NIPBL: variants seen among roughly 807,000 people sequenced by gnomAD.
NIPBL encodes NIPBL cohesin loading factor.
In NIPBL, 19 loss-of-function variants were observed where a neutral mutation model predicts 321.8. The observed-to-expected ratio is 0.06, with a 90% CI of 0.04 to 0.09. The LOEUF (loss-of-function observed/expected upper bound fraction) is 0.09, where lower values mean the gene tolerates loss of function less well. Among genes scored for constraint, NIPBL ranks in the 10% least tolerant of loss-of-function variants. The pLI is 1.00. For synonymous variants in NIPBL, 1,106 were observed against 1,114.1 expected (o/e 0.99, Z 0.14); for missense variants, 2,210 against 3,327.0 (o/e 0.66, Z 8.26).
Position 37,036,335 on chromosome 5 carries a change from GTA to G in NIPBL, c.5863-34_5863-33del, listed in dbSNP as rs748641174. 379 of 456,560 alleles carry G rather than the reference GTA, an allele frequency of 8.3e-4. 1 individual carries two copies. The highest frequency in any genetic ancestry group is 3.0e-3 in the Middle Eastern group (4 of 1,326). 28.3% of individuals were successfully genotyped at this position (456,560 alleles called of 1,614,324 possible). A position where few individuals can be genotyped will look rare whatever the true frequency, so the allele number is the denominator to read the frequency against. Reference sequence around the variant, plus strand: ...ATACCGGGATTTTTTTTTCTTTTTTGTATATATATATGTATATATATATATAT... The same window carrying G: ...ATACCGGGATTTTTTTTTCTTTTTTGTATATATATGTATATATATATATAT... On this transcript the variant is annotated intron_variant, in intron 32 of 46. Transcript: ENST00000282516.
intron 1 of NIPBL, chr5:36,885,226 C>T (rs1012260745): frequency 1.3e-4 from 68 of 533,852 alleles, no homozygotes; most frequent in South Asian, 8.3e-4. Context: ...CCACTTGCTC[C>T]ACCTTCTCCA....
intron 46 of NIPBL, 146 bp downstream of exon 46, chr5:37,064,124 A>AC (rs1370575371): frequency 6.9e-7 from 1 of 1,442,254 alleles, no homozygotes; most frequent in African/African-American, 1.4e-5. Context: ...TTCTCTACTT[A>AC]CCCGTTTATA....
intron 33 of NIPBL, among the ~76,000 whole-genome samples, chr5:37,037,850 T>C (rs983056280): frequency 6.6e-6 from 1 of 152,100 alleles, no homozygotes; most frequent in Admixed American, 6.5e-5. Flanking sequence ...AGCTGTCTTA[T>C]AGCATTGTTC....
intron 40 of NIPBL, among the ~76,000 whole-genome samples, chr5:37,050,498 A>C (rs999049497): frequency 6.6e-6 from 1 of 151,634 alleles, no homozygotes. Flanking sequence ...AAAAAAAAAA[A>C]TTCACACAAA....
intron 1 of NIPBL, among the ~76,000 whole-genome samples, chr5:36,911,070 A>G (rs903397821): frequency 1.3e-5 from 2 of 152,248 alleles, no homozygotes; most frequent in South Asian, 2.1e-4. Flanking sequence ...CTAGCATTGT[A>G]TGAATGAAGA....
rs754755185 is a variant in NIPBL at position 37,003,337 on chromosome 5, T to C, written c.3845T>C (p.Leu1282Ser). 5 of 1,582,774 alleles carry C rather than the reference T, an allele frequency of 3.2e-6. No individual in the cohort carries two copies. The highest frequency in any genetic ancestry group is 3.5e-6 in the Non-Finnish European group (4 of 1,152,258). The stretch of plus-strand genomic sequence containing the variant: ...CAGGATGGGTCAAAGCTTTCCACTT[T>C]GTTAAATCATGTAAGTTTAAGATCC... ...NIQDGSKLST[L>S]LNHNNDTEEE... is the part of the protein sequence containing the mutation. Residue 1282 changes from leucine to serine, a missense_variant, in exon 16 of 47, where the codon TTG (leucine) becomes TCG (serine). By Grantham distance (145) the Leu-to-Ser change is moderately radical (BLOSUM62 -2). Transcript: ENST00000282516.
intron 34 of NIPBL, among the ~76,000 whole-genome samples, chr5:37,040,678 T>G (rs892272946): frequency 5.3e-5 from 8 of 152,252 alleles, no homozygotes; most frequent in African/African-American, 1.9e-4. Context: ...TTTAAATACC[T>G]AAGTACTGGT....
chr5:37,024,700 A>G lies in NIPBL; in HGVS notation c.5690A>G (p.Asn1897Ser), dbSNP rs190086412. The change falls in exon 30 of 47, where the codon AAT (asparagine) becomes AGT (serine). Residue 1897 changes from asparagine (N) to serine (S), a missense_variant. By Grantham distance (46) the Asn-to-Ser change is conservative (BLOSUM62 1). This residue lies in a region of NIPBL where 49 missense variants were observed against 163.6 expected (regional missense o/e 0.30). Transcript: ENST00000282516. ...TGTGTAAAAATGATTCGCAGAGTCA[A>G]TGATGAAGAGGGCATTAAGGTAGTG... ...EMCVKMIRRVNDEEGIKKLVN... is the reference protein window; with the variant it reads ...EMCVKMIRRVSDEEGIKKLVN... The G allele has an allele frequency of 5.5e-5, 88 of 1,612,480 alleles. No individual in the cohort carries two copies. Among genetic ancestry groups the G allele is most frequent in the East Asian group, 2.5e-4 (11 of 44,710 alleles).
chr5:37,034,453 T>A (rs1226204031), intron 32 of NIPBL, among the ~76,000 whole-genome samples: 1 of 152,198 alleles, frequency 6.6e-6, no homozygotes. Context: ...GAGTGCTTAT[T>A]GTACTAAAAT....
chr5:37,042,123 A>G (rs894088309), intron 34 of NIPBL, among the ~76,000 whole-genome samples: 11 of 152,052 alleles, frequency 7.2e-5, no homozygotes, highest in African/African-American at 1.7e-4. Context: ...GTTTTTAACT[A>G]GTGTGTTAAT....
intron 24 of NIPBL, among the ~76,000 whole-genome samples, 191 bp from the exon 25 acceptor site, chr5:37,019,116 CAAAA>C (rs1749334194): frequency 6.6e-6 from 1 of 151,958 alleles, no homozygotes; most frequent in Non-Finnish European, 1.5e-5. Context: ...AAAAGTAAAA[CAAAA>C]AAGGCAAACT....
chr5:37,017,923 G>A (rs1397357759), intron 24 of NIPBL, among the ~76,000 whole-genome samples: 2 of 152,068 alleles, frequency 1.3e-5, no homozygotes, highest in African/African-American at 2.4e-5. Context: ...AAATATAGAT[G>A]TATGTGTGTC....
chr5:36,940,505 G>A (rs761919489), intron 1 of NIPBL, among the ~76,000 whole-genome samples: 1 of 152,094 alleles, frequency 6.6e-6, no homozygotes, highest in African/African-American at 2.4e-5. Flanking sequence ...ACTTGAGCAT[G>A]TTAATCATTA....
chr5:36,962,484 T>C (rs1465882803), intron 6 of NIPBL, among the ~76,000 whole-genome samples: 1 of 152,242 alleles, frequency 6.6e-6, no homozygotes, highest in Non-Finnish European at 1.5e-5. Flanking sequence ...AAAGGAGCAG[T>C]GTCATTTTGG....
chr5:37,043,197 A>T (rs1044066126), intron 34 of NIPBL, among the ~76,000 whole-genome samples: 2 of 152,052 alleles, frequency 1.3e-5, no homozygotes, highest in African/African-American at 4.8e-5. Flanking sequence ...GGAATTCAAA[A>T]CCAGCCTGCG....
intron 6 of NIPBL, among the ~76,000 whole-genome samples, chr5:36,968,089 CTG>C (rs2149615199): frequency 1.7e-5 from 2 of 116,384 alleles, no homozygotes; most frequent in East Asian, 4.9e-4. Context: ...GAGTGAGACT[CTG>C]TCTCAAAAAA....
chr5:36,896,671 C>T (rs947435470), intron 1 of NIPBL, among the ~76,000 whole-genome samples: 2 of 152,294 alleles, frequency 1.3e-5, no homozygotes, highest in Admixed American at 1.3e-4. Context: ...ATGATCTTGG[C>T]TCACTGTAAA....
At chr5:36,890,967 T>C (rs1325367449) in intron 1 of NIPBL, among the ~76,000 whole-genome samples, 1 of 152,064 alleles carries the variant, frequency 6.6e-6, no homozygotes, top group Non-Finnish European at 1.5e-5. Context: ...TTGCAGATGG[T>C]GAAATAAAAG....
intron 1 of NIPBL, among the ~76,000 whole-genome samples, chr5:36,900,229 A>G (rs1216673456): frequency 1.3e-5 from 2 of 152,224 alleles, no homozygotes; most frequent in Admixed American, 6.5e-5. Context: ...ATACAAAAAC[A>G]TTTAAAGTGC....
Sources: allele counts gnomAD v4.1 joint callset (sites outside exome capture counted in the v4.1 genomes callset), GRCh38; gene constraint gnomAD v4.1.1; regional missense constraint gnomAD v4.1.1; transcripts MANE v1.5; gene names NCBI Gene and HGNC (gene_info 2026-07-23, HGNC 2026-07-21).